The following ORC4 variants were observed in gnomAD, a reference collection of about 807,000 sequenced individuals.
The protein encoded by ORC4 is origin recognition complex subunit 4.
In ORC4, 55 loss-of-function variants were observed where a neutral mutation model predicts 63.9. The ratio of observed to expected loss-of-function variants is 0.86; its 90% CI spans 0.69 to 1.08. ORC4 has a LOEUF of 1.08. Ranked by LOEUF, ORC4 falls within the 50% of genes least tolerant of loss-of-function variation. The pLI is 0.00. For synonymous variants in ORC4, 150 were observed against 168.5 expected, an observed-to-expected ratio of 0.89 and a Z score of 0.85; for missense variants, 511 against 504.4, an observed-to-expected ratio of 1.01 and a Z score of -0.13.
rs558340352 is a variant in ORC4 at position 147,934,492 on chromosome 2, A to C, written c.*1018T>G. 2.1e-3 allele frequency: 325 copies of C among 152,260 alleles called. No individual in the cohort carries two copies. Among genetic ancestry groups the C allele is most frequent in the African/African-American group, 7.5e-3 (310 of 41,562 alleles). The allele number at this position is 152,260 out of a possible 1,614,324, so 9.4% of individuals were successfully genotyped here. A position where few individuals can be genotyped will look rare whatever the true frequency, so the allele number is the denominator to read the frequency against. On this transcript the variant is annotated 3_prime_UTR_variant, in exon 14 of 14. Coordinates refer to ENST00000392857, the MANE Select transcript of ORC4 (RefSeq NM_181741.4). ...ATTACTTTTGGGAGTGCTTTTCCAG[A>C]AATCTCTGGTAGTCACGTCACTTCA...
chr2:148,003,968 GACAA>G (rs750845599), intron 1 of ORC4, among the ~76,000 whole-genome samples: 1 of 152,072 alleles, frequency 6.6e-6, no homozygotes, highest in East Asian at 1.9e-4. Context: ...ACCAATAATA[GACAA>G]ACAGAGAGCC....
intron 1 of ORC4, among the ~76,000 whole-genome samples, chr2:147,983,415 T>G (rs1185843174): frequency 6.6e-6 from 1 of 152,202 alleles, no homozygotes; most frequent in Non-Finnish European, 1.5e-5. Context: ...TTGAAGTTCT[T>G]CTGATATTGG....
intron 8 of ORC4, 79 bp downstream of exon 8, chr2:147,952,294 A>C: frequency 3.7e-6 from 4 of 1,089,810 alleles, no homozygotes; most frequent in Non-Finnish European, 5.4e-6. Context: ...AAATAAGTGA[A>C]AAAAACTAGC....
At chr2:148,012,480 C>G (rs1403315123) in intron 1 of ORC4, among the ~76,000 whole-genome samples, 1 of 152,016 alleles carries the variant, frequency 6.6e-6, no homozygotes, top group Non-Finnish European at 1.5e-5. Context: ...ATCTATGAAA[C>G]TAATCAAGGA....
chr2:148,018,083 C>T (rs1693419694), intron 1 of ORC4, among the ~76,000 whole-genome samples: 1 of 151,748 alleles, frequency 6.6e-6, no homozygotes, highest in African/African-American at 2.4e-5. Context: ...ACAGACAACC[C>T]AATTAAAACA....
chr2:147,976,167 T>C (rs1316892593), intron 1 of ORC4, among the ~76,000 whole-genome samples, 192 bp from the exon 2 acceptor site: 2 of 152,168 alleles, frequency 1.3e-5, no homozygotes, highest in Non-Finnish European at 2.9e-5. Flanking sequence ...TACCACACTT[T>C]AGGCACACTT....
At position 147,935,470 on chromosome 2, in the gene ORC4, A is replaced by T. The variant is rs779910559; in HGVS notation, c.*40T>A. ...ACAATAGTTTTCCGTTCTCTACAGA[A>T]GTATGAATGAAATGCCAAAGTTGAA... On this transcript the variant is annotated 3_prime_UTR_variant, in exon 14 of 14. Coordinates refer to ENST00000392857, the MANE Select transcript of ORC4 (RefSeq NM_181741.4). The T allele has an allele frequency of 2.1e-6, 3 of 1,423,422 alleles. No individual in the cohort carries two copies. The highest frequency in any genetic ancestry group is 3.0e-6 in the Non-Finnish European group (3 of 1,006,538). 88.2% of individuals were successfully genotyped at this position (1,423,422 alleles called of 1,614,324 possible).
At chr2:147,960,208 A>C in intron 4 of ORC4, 1 of 969,294 alleles carries the variant, frequency 1.0e-6, no homozygotes, top group East Asian at 1.1e-4. Flanking sequence ...GGAGAGTTGT[A>C]ACAGATTTAT....
intron 13 of ORC4, 125 bp from the exon 14 acceptor site, chr2:147,935,823 A>G: frequency 1.4e-6 from 1 of 726,696 alleles, no homozygotes; most frequent in South Asian, 1.6e-5. Context: ...GCAAAATGTA[A>G]CAACAATCAA....
At chr2:147,996,208 G>A (rs1031705147) in intron 1 of ORC4, among the ~76,000 whole-genome samples, 1 of 152,114 alleles carries the variant, frequency 6.6e-6, no homozygotes, top group East Asian at 1.9e-4. Context: ...GGAGGCTGAG[G>A]CAGGAGAACC....
intron 4 of ORC4, among the ~76,000 whole-genome samples, chr2:147,972,324 T>C (rs1339175531): frequency 2.0e-5 from 3 of 152,090 alleles, no homozygotes; most frequent in Non-Finnish European, 2.9e-5. Context: ...CCCTAACCTA[T>C]AACAAAGGGA....
At chr2:147,935,747 A>T (rs967290142) in intron 13 of ORC4, 49 bp from the exon 14 acceptor site, 1 of 1,440,232 alleles carries the variant, frequency 6.9e-7, no homozygotes, top group Admixed American at 1.7e-5. Context: ...GGAGAGTGAC[A>T]ACTCTCCTGT....
Position 148,016,403 on chromosome 2 carries a change from C to T in ORC4, c.-18+4230G>A, listed in dbSNP as rs182480567. 2.0e-5 allele frequency among the ~76,000 whole-genome samples: 3 copies of T among 152,286 alleles called. No homozygotes were observed. In the East Asian group the frequency reaches 5.8e-4, roughly 29 times the overall value. ...CATCTGAGAAGTATGCTCAGCAAAT[C>T]AATGAGATGCACTTAAAACTGTGAT... On this transcript the variant is annotated intron_variant, in intron 1 of 13. Coordinates refer to ENST00000392857, the MANE Select transcript of ORC4 (RefSeq NM_181741.4).
At chr2:147,983,891 G>A (rs1691037520) in intron 1 of ORC4, among the ~76,000 whole-genome samples, 1 of 152,196 alleles carries the variant, frequency 6.6e-6, no homozygotes, top group Admixed American at 6.5e-5. Context: ...GGAATTAACA[G>A]AAGACAAGGT....
rs58097452 is a variant in ORC4, at chr2:147,970,615, CA to C, written c.225+2123del. 5.4e-3 allele frequency among the ~76,000 whole-genome samples: 639 copies of C among 118,722 alleles called. 2 individuals carry two copies. The highest frequency in any genetic ancestry group is 9.9e-3 in the East Asian group (43 of 4,358). The allele number at this position is 118,722 out of a possible 152,430, so 77.9% of individuals were successfully genotyped here. A position where few individuals can be genotyped will look rare whatever the true frequency, so the allele number is the denominator to read the frequency against. ...CTTTCTCCAATTGGGCATTCATTTG[CA>C]AAAAAAAAAAAGAAAAAAAAACGAA... On this transcript the variant is annotated intron_variant, in intron 4 of 13. Transcript: ENST00000392857.
At chr2:148,021,377 C>T (rs534965870), upstream of ORC4, 52 of 469,996 alleles carry the variant, frequency 1.1e-4, no homozygotes, top group Middle Eastern at 6.4e-4. Flanking sequence ...CGCCTCCCTC[C>T]CTCCACCCTC....
chr2:147,999,250 G>C (rs1692157229), intron 1 of ORC4, among the ~76,000 whole-genome samples: 1 of 152,142 alleles, frequency 6.6e-6, no homozygotes, highest in African/African-American at 2.4e-5. Context: ...TAAGACAGAA[G>C]AAATCTACCC....
intron 4 of ORC4, among the ~76,000 whole-genome samples, chr2:147,959,361 C>CTT (rs3835752): frequency 2.0e-5 from 3 of 151,382 alleles, no homozygotes; most frequent in African/African-American, 7.3e-5. Context: ...CCAATGCATT[C>CTT]TTTTTTTTAA....
rs2105503471 is a variant in ORC4, at chr2:148,020,722, A to ACC, written c.-109_-108dup. On this transcript the variant is annotated 5_prime_UTR_variant, in exon 1 of 14. Coordinates refer to ENST00000392857, the MANE Select transcript of ORC4 (RefSeq NM_181741.4). ...TGCTAGACTTCACCTGCCGCTGCGG[A>ACC]CCGTACACAACCACTCCCGGCATGC... The ACC allele has an allele frequency of 6.6e-6, 1 of 152,244 alleles. No homozygotes were observed. Among genetic ancestry groups the ACC allele is most frequent in the Admixed American group, 6.5e-5 (1 of 15,280 alleles). The allele number at this position is 152,244 out of a possible 1,614,324, so 9.4% of individuals were successfully genotyped here.
Sources: allele counts gnomAD v4.1 joint callset (sites outside exome capture counted in the v4.1 genomes callset), GRCh38; gene constraint gnomAD v4.1.1; transcripts MANE v1.5; gene names NCBI Gene and HGNC (gene_info 2026-07-23, HGNC 2026-07-21).